The following CACNG4 variants were observed in gnomAD, a reference collection of about 807,000 sequenced individuals.
The protein encoded by CACNG4 is calcium voltage-gated channel auxiliary subunit gamma 4, also known as voltage-dependent calcium channel gamma-4 subunit.
In CACNG4, 8 loss-of-function variants were observed where a neutral mutation model predicts 22.9. That is an observed-to-expected ratio of 0.35 (90% CI 0.21 to 0.63). CACNG4 has a LOEUF of 0.63. Among genes scored for constraint, CACNG4 ranks in the 30% least tolerant of loss-of-function variants. The pLI, the probability that CACNG4 is intolerant of heterozygous loss-of-function variation, is 0.72. For missense variants in CACNG4, 357 were observed against 455.4 expected, an observed-to-expected ratio of 0.78 and a Z score of 1.97; for synonymous variants, 188 against 191.9, an observed-to-expected ratio of 0.98 and a Z score of 0.17.
At chr17:67,003,469 C>T (rs534740396) in intron 1 of CACNG4, among the ~76,000 whole-genome samples, 7 of 152,120 alleles carry the variant, frequency 4.6e-5, no homozygotes, top group Non-Finnish European at 5.9e-5. Flanking sequence ...GAGAAAAGTA[C>T]TGTGATTGAT....
intron 1 of CACNG4, among the ~76,000 whole-genome samples, chr17:66,966,108 C>G (rs1021998): frequency 0.037 from 5,569 of 152,248 alleles, 333 homozygotes; most frequent in African/African-American, 0.13. Context: ...GCCCCGGGAC[C>G]GTGGGGACAG....
chr17:66,992,164 G>T lies in CACNG4; in HGVS notation c.221-26025G>T, dbSNP rs867022564. On this transcript the variant is annotated intron_variant, in intron 1 of 3. Transcript: ENST00000262138. ...CTGGTTGCTCCGCCAAGCTCCTGGG[G>T]GGGGGGGGCTGTGATGCCTCCTTTC... Among the ~76,000 whole-genome samples, 90 of 152,070 alleles carry T rather than the reference G, an allele frequency of 5.9e-4. 1 individual carries two copies. The highest frequency in any genetic ancestry group is 5.3e-4 in the Non-Finnish European group (36 of 67,972).
In CACNG4 at chr17:66,984,186, T is replaced by C. The variant is rs8065294; in HGVS notation, c.220+19055T>C. 0.48 allele frequency among the ~76,000 whole-genome samples: 70,630 copies of C among 148,104 alleles called. 16,535 individuals carry two copies. Among genetic ancestry groups the C allele is most frequent in the African/African-American group, 0.54 (20,923 of 38,990 alleles). On this transcript the variant is annotated intron_variant, in intron 1 of 3. Transcript: ENST00000262138. The surrounding 1 kb of genome is among the most constrained non-coding windows in gnomAD (Gnocchi z 4.0). ...TAGAGGCCAGGAGTTCAAGACCAGT[T>C]TGGCAACATAATGAGACCCCGTTTC...
intron 2 of CACNG4, among the ~76,000 whole-genome samples, chr17:67,023,149 C>T (rs561035021): frequency 2.0e-5 from 3 of 152,246 alleles, no homozygotes; most frequent in Admixed American, 2.0e-4. Flanking sequence ...GCCCCTTCTC[C>T]CCTGTGTCTT....
Position 67,019,294 on chromosome 17 carries a change from C to T in CACNG4, c.304+1022C>T, listed in dbSNP as rs969336323. 2.6e-5 allele frequency among the ~76,000 whole-genome samples: 4 copies of T among 152,126 alleles called. No individual in the cohort carries two copies. The South Asian group carries it at 6.2e-4, about 24-fold the overall frequency. On this transcript the variant is annotated intron_variant, in intron 2 of 3. Transcript: ENST00000262138. The stretch of plus-strand genomic sequence containing the variant: ...AGCCTGGGGCAGTGTCAGGCTGCTG[C>T]GACCAGGCCCAGAACATGAACTAAT...
chr17:67,026,233 T>C (rs2143372449), intron 3 of CACNG4, among the ~76,000 whole-genome samples: 1 of 144,452 alleles, frequency 6.9e-6, no homozygotes, highest in East Asian at 2.1e-4. Flanking sequence ...GTGAAGAGTG[T>C]GGTGTGTATA....
At chr17:66,979,583 G>T (rs563451978) in intron 1 of CACNG4, among the ~76,000 whole-genome samples, 1 of 151,564 alleles carries the variant, frequency 6.6e-6, no homozygotes. Flanking sequence ...ATGGGAATGA[G>T]GAGTGACTTA....
intron 1 of CACNG4, among the ~76,000 whole-genome samples, chr17:67,002,558 C>A (rs1384071265): frequency 5.3e-5 from 8 of 152,194 alleles, no homozygotes; most frequent in Non-Finnish European, 1.0e-4. Context: ...GGTGACCTGG[C>A]AGACCTGGCA....
chr17:67,013,861 G>GCCT, intron 1 of CACNG4, among the ~76,000 whole-genome samples: 1 of 152,174 alleles, frequency 6.6e-6, no homozygotes, highest in East Asian at 1.9e-4. Context: ...TGCAGATGAA[G>GCCT]GGATATACAC....
chr17:66,990,665 ATTTTATTTTATTTTAT>A (rs778873523), intron 1 of CACNG4, among the ~76,000 whole-genome samples: 2,116 of 146,950 alleles, frequency 0.014, 27 homozygotes, highest in Middle Eastern at 0.056. Context: ...ATTTTATTTT[ATTTTATTTTATTTTAT>A]TTTATTTATT....
chr17:66,982,412 A>G (rs2035282660), intron 1 of CACNG4, among the ~76,000 whole-genome samples: 2 of 151,974 alleles, frequency 1.3e-5, no homozygotes, highest in South Asian at 4.2e-4. Flanking sequence ...TTTACAGAGT[A>G]CCAATTGGCG....
chr17:67,009,058 A>T (rs73339162), intron 1 of CACNG4, among the ~76,000 whole-genome samples: 2,723 of 152,232 alleles, frequency 0.018, 77 homozygotes, highest in African/African-American at 0.062. Flanking sequence ...AGAATATGAT[A>T]TGAAGAGAAG....
chr17:67,028,397 C>T (rs1227977525), intron 3 of CACNG4, among the ~76,000 whole-genome samples: 1 of 151,974 alleles, frequency 6.6e-6, no homozygotes, highest in African/African-American at 2.4e-5. Context: ...ACTAAAAATA[C>T]AAAGAATTAG....
At chr17:67,013,429 C>T (rs1305894717) in intron 1 of CACNG4, among the ~76,000 whole-genome samples, 2 of 152,174 alleles carry the variant, frequency 1.3e-5, no homozygotes, top group African/African-American at 2.4e-5. Context: ...GTAACTTGCT[C>T]ATTACTCTAT....
chr17:67,018,250 C>T lies in CACNG4; in HGVS notation c.282C>T (p.His94=), dbSNP rs186352782. ...TCCCAGAGGACAATGACTACGACCA[C>T]GACAGCTCGGAGTACCTCCTCCGTG... ...NHFPEDNDYD[H]DSSEYLLRIV... The change falls in exon 2 of 4, where the codon CAC becomes CAT. Residue 94 remains histidine (H), a synonymous_variant. Coordinates refer to ENST00000262138, the MANE Select transcript of CACNG4 (RefSeq NM_014405.4). 17 of 1,613,892 alleles carry T rather than the reference C, an allele frequency of 1.1e-5. No individual in the cohort carries two copies. Among genetic ancestry groups the T allele is most frequent in the African/African-American group, 2.7e-5 (2 of 75,042 alleles).
At chr17:66,997,059 G>A (rs1334781876) in intron 1 of CACNG4, among the ~76,000 whole-genome samples, 1 of 152,188 alleles carries the variant, frequency 6.6e-6, no homozygotes, top group Non-Finnish European at 1.5e-5. Flanking sequence ...GGAACCAGCT[G>A]TGATGGCTGG....
chr17:66,983,213 G>C (rs1024498201), intron 1 of CACNG4, among the ~76,000 whole-genome samples: 2 of 152,128 alleles, frequency 1.3e-5, no homozygotes, highest in African/African-American at 4.8e-5. Context: ...CACTCCCCTT[G>C]TGGGAGACTC....
At chr17:67,028,276 G>A (rs113910794) in intron 3 of CACNG4, among the ~76,000 whole-genome samples, 2,607 of 152,120 alleles carry the variant, frequency 0.017, 78 homozygotes, top group African/African-American at 0.059. Flanking sequence ...GCAATGGGCC[G>A]GGCACGGTGG....
chr17:67,014,957 A>G (rs1160640347), intron 1 of CACNG4, among the ~76,000 whole-genome samples: 1 of 143,830 alleles, frequency 7.0e-6, no homozygotes, highest in East Asian at 1.9e-4. Context: ...AAAAAAAAAA[A>G]AAGAAAGAAA....
Sources: allele counts gnomAD v4.1 joint callset (sites outside exome capture counted in the v4.1 genomes callset), GRCh38; gene constraint gnomAD v4.1.1; non-coding constraint Gnocchi (gnomAD v3.1); transcripts MANE v1.5; gene names NCBI Gene and HGNC (gene_info 2026-07-23, HGNC 2026-07-21).